Variants in C4orf50 observed in about 807,000 individuals in gnomAD.
C4orf50 encodes the protein chromosome 4 open reading frame 50, also known as uncharacterized protein C4orf50.
In C4orf50, 80 loss-of-function variants were observed where a neutral mutation model predicts 77.2. The ratio of observed to expected loss-of-function variants is 1.04; its 90% CI spans 0.87 to 1.25. C4orf50 has a LOEUF of 1.25. Among genes scored for constraint, C4orf50 ranks in the 50% most tolerant of loss-of-function variants. The pLI is 0.00. For missense variants in C4orf50, 1,257 were observed against 1,152.9 expected (o/e 1.09, Z -1.31); for synonymous variants, 532 against 465.3 (o/e 1.14, Z -1.84).
chr4:5,998,519 C>T (rs1035229096), intron 25 of C4orf50, among the ~76,000 whole-genome samples: 2 of 152,236 alleles, frequency 1.3e-5, no homozygotes, highest in African/African-American at 2.4e-5. Flanking sequence ...GGTCACTCTA[C>T]GCACACTGCC....
intron 25 of C4orf50, among the ~76,000 whole-genome samples, chr4:6,004,197 G>A (rs889109541): frequency 1.2e-4 from 4 of 34,554 alleles, no homozygotes; most frequent in Admixed American, 3.6e-4. Flanking sequence ...GGTGATGATG[G>A]TGATGGTGAT....
chr4:5,946,598 A>G (rs1473027761), intron 7 of C4orf50, among the ~76,000 whole-genome samples: 1 of 152,096 alleles, frequency 6.6e-6, no homozygotes, highest in Non-Finnish European at 1.5e-5. Flanking sequence ...CTTATTTGGG[A>G]ATGTTATTAC....
chr4:5,986,841 C>T (rs1185201665), intron 28 of C4orf50, among the ~76,000 whole-genome samples: 1 of 151,946 alleles, frequency 6.6e-6, no homozygotes, highest in Non-Finnish European at 1.5e-5. Context: ...CTGGCCCTAA[C>T]AATGTCATTT....
At chr4:5,996,142 C>T (rs1349861538) in intron 25 of C4orf50, among the ~76,000 whole-genome samples, 2 of 152,348 alleles carry the variant, frequency 1.3e-5, no homozygotes, top group African/African-American at 4.8e-5. Flanking sequence ...CGCCAGCTTC[C>T]CCTCACAGCA....
At chr4:5,987,209 G>A (rs1431458398) in intron 28 of C4orf50, among the ~76,000 whole-genome samples, 2 of 151,878 alleles carry the variant, frequency 1.3e-5, no homozygotes, top group East Asian at 3.9e-4. Context: ...TCAGGAGTTC[G>A]AGACCAGCCT....
intron 7 of C4orf50, among the ~76,000 whole-genome samples, chr4:5,926,078 T>C (rs1407888513): frequency 6.6e-6 from 1 of 151,916 alleles, no homozygotes; most frequent in Non-Finnish European, 1.5e-5. Flanking sequence ...CTCCAGGGAG[T>C]TTTCCTTTCG....
downstream of C4orf50, among the ~76,000 whole-genome samples, chr4:5,952,889 T>C (rs967059186): frequency 6.6e-6 from 1 of 152,170 alleles, no homozygotes; most frequent in Non-Finnish European, 1.5e-5. This position sits in a 1 kb window ranked among gnomAD's most constrained non-coding sequence, Gnocchi z 4.4. Flanking sequence ...CTGACTCCAC[T>C]TGAATTCCCT....
chr4:5,944,582 G>A (rs374892828), intron 7 of C4orf50, among the ~76,000 whole-genome samples: 3 of 152,126 alleles, frequency 2.0e-5, no homozygotes, highest in Non-Finnish European at 2.9e-5. Context: ...TTCATACCTC[G>A]GAGAACCTTC....
In C4orf50 at chr4:5,970,944, G is replaced by C. The variant is rs939428957; in HGVS notation, c.4104+2715C>G. 6.6e-5 allele frequency among the ~76,000 whole-genome samples: 10 copies of C among 152,168 alleles called. No individual in the cohort carries two copies. The highest frequency in any genetic ancestry group is 2.4e-4 in the African/African-American group (10 of 41,450). On this transcript the variant is annotated intron_variant, in intron 31 of 33. Coordinates refer to ENST00000531445, the Ensembl canonical transcript of C4orf50. The surrounding 1 kb of genome is among the most constrained non-coding windows in gnomAD (Gnocchi z 4.3). ...AGTCTTGGCCACCATGACTTGGCTG[G>C]ATAAATGAAGGCAGCCTGTCCAGTT...
At chr4:6,013,473 A>T (rs1012009388) in intron 23 of C4orf50, among the ~76,000 whole-genome samples, 1 of 152,220 alleles carries the variant, frequency 6.6e-6, no homozygotes, top group Non-Finnish European at 1.5e-5. Flanking sequence ...AAAATGACGA[A>T]TTTCACTTTG....
At chr4:5,981,639 G>A (rs56369164) in intron 28 of C4orf50, among the ~76,000 whole-genome samples, 11,411 of 152,000 alleles carry the variant, frequency 0.075, 501 homozygotes, top group South Asian at 0.11. Flanking sequence ...CCAGACCTCA[G>A]GTGATCCACC....
chr4:5,917,728 A>G (rs541008548), intron 7 of C4orf50, among the ~76,000 whole-genome samples: 2 of 152,178 alleles, frequency 1.3e-5, no homozygotes, highest in East Asian at 1.9e-4. Flanking sequence ...ACTGAAAGCT[A>G]TAGTATGTTT....
At chr4:5,911,489 C>A (rs1003744011) in intron 7 of C4orf50, among the ~76,000 whole-genome samples, 2 of 152,184 alleles carry the variant, frequency 1.3e-5, no homozygotes, top group Admixed American at 6.5e-5. Context: ...GATCCCTTTA[C>A]AGAGAGGGGC....
chr4:6,016,919 G>C (rs147170710), intron 23 of C4orf50, among the ~76,000 whole-genome samples: 1 of 152,212 alleles, frequency 6.6e-6, no homozygotes, highest in Non-Finnish European at 1.5e-5. Flanking sequence ...TCCAAGGCAC[G>C]TGGCTGCTGG....
At position 5,944,455 on chromosome 4, in the gene C4orf50, T is replaced by C. The variant is rs115884822; in HGVS notation, c.*2474+12446A>G. On this transcript the variant is annotated intron_variant, in intron 7 of 7. Coordinates refer to the C4orf50 transcript ENST00000324058. ...CTAGGTGAAACTATGTGGAATGAAA[T>C]GATCGATGAGACAAATAGAAGGAGT... Among the ~76,000 whole-genome samples the C allele has an allele frequency of 3.6e-3, 546 of 152,246 alleles. 2 individuals carry two copies. Among genetic ancestry groups the C allele is most frequent in the Middle Eastern group, 0.031 (9 of 294 alleles).
At chr4:5,991,970 C>A (rs566518965) in intron 27 of C4orf50, among the ~76,000 whole-genome samples, 1 of 152,314 alleles carries the variant, frequency 6.6e-6, no homozygotes, top group African/African-American at 2.4e-5. Flanking sequence ...CAGCTGCCCA[C>A]AGAGAAAAGA....
chr4:6,010,834 G>A (rs1722466411), intron 24 of C4orf50, among the ~76,000 whole-genome samples: 1 of 152,204 alleles, frequency 6.6e-6, no homozygotes, highest in Non-Finnish European at 1.5e-5. Context: ...TTTAGTAATG[G>A]CTAATAATTA....
At chr4:5,923,367 G>A (rs541073068) in intron 7 of C4orf50, 4 of 154,276 alleles carry the variant, frequency 2.6e-5, no homozygotes, top group Middle Eastern at 5.1e-4. Context: ...TGGACCAAGC[G>A]CAGAGCCCAC....
intron 28 of C4orf50, among the ~76,000 whole-genome samples, chr4:5,981,697 C>T (rs1232666357): frequency 6.6e-6 from 1 of 152,160 alleles, no homozygotes; most frequent in African/African-American, 2.4e-5. Flanking sequence ...AGCCACCATG[C>T]TCGGCCCGAC....
Sources: gnomAD v4.1 joint callset for allele counts (sites outside exome capture counted in the v4.1 genomes callset) on GRCh38, gnomAD v4.1.1 for gene constraint, Gnocchi (gnomAD v3.1) non-coding constraint, MANE v1.5 for transcripts, NCBI Gene and HGNC (gene_info 2026-07-23, HGNC 2026-07-21) for gene names.